The following LYPD3 variants were observed in gnomAD, a reference collection of about 807,000 sequenced individuals.
LYPD3 encodes the protein LY6/PLAUR domain containing 3.
Under a neutral mutation model 21.7 loss-of-function variants are expected in LYPD3, and 22 were observed. That is an observed-to-expected ratio of 1.01 (90% CI 0.72 to 1.45). LYPD3 has a LOEUF of 1.45. Ranked by LOEUF, LYPD3 falls within the 40% of genes most tolerant of loss-of-function variation. The pLI, the probability that LYPD3 is intolerant of heterozygous loss-of-function variation, is 0.00. For missense variants in LYPD3, 471 were observed against 466.9 expected (o/e 1.01, Z -0.08); for synonymous variants, 179 against 203.0 (o/e 0.88, Z 1.00).
intron 2 of LYPD3, chr19:43,464,095 G>T: frequency 1.5e-6 from 1 of 662,432 alleles, no homozygotes; most frequent in East Asian, 2.7e-5. Context: ...CCAAACCCGA[G>T]CTCTCCCCGT....
At chr19:43,463,843 GT>G (rs1426571345) in intron 2 of LYPD3, 74 bp from the exon 3 acceptor site, 2 of 1,434,732 alleles carry the variant, frequency 1.4e-6, no homozygotes, top group Admixed American at 3.4e-5. Context: ...GTTGGGTAGG[GT>G]CTGGGAGGGG....
chr19:43,463,966 G>C, intron 2 of LYPD3, 197 bp from the exon 3 acceptor site: 1 of 652,294 alleles, frequency 1.5e-6, no homozygotes. Context: ...GAGGAGCGGG[G>C]TCACGGAACG....
In LYPD3 at chr19:43,464,130, C is replaced by CTG. The variant is rs1256930378; in HGVS notation, c.211+193_211+194dup. 69 of 795,242 alleles carry CTG rather than the reference C, an allele frequency of 8.7e-5. No homozygotes were observed. In the Admixed American group the frequency reaches 1.0e-3, roughly 12 times the overall value. 49.3% of individuals were successfully genotyped at this position (795,242 alleles called of 1,614,324 possible). A position where few individuals can be genotyped will look rare whatever the true frequency, so the allele number is the denominator to read the frequency against. On this transcript the variant is annotated intron_variant, in intron 2 of 4. Coordinates refer to ENST00000244333, the MANE Select transcript of LYPD3 (RefSeq NM_014400.3). ...TCCGCCCCACCCAGTTCTCAACTCT[C>CTG]TGCTCCTCGCGCTTGTAATTGTTAA... is the stretch of plus-strand genomic sequence containing the variant.
Position 43,463,203 on chromosome 19 carries a change from G to A in LYPD3, c.467C>T (p.Pro156Leu), listed in dbSNP as rs201628194. 1.9e-6 allele frequency: 3 copies of A among 1,610,612 alleles called. No homozygotes were observed. Among genetic ancestry groups the A allele is most frequent in the East Asian group, 2.2e-5 (1 of 44,886 alleles). Residue 156 changes from proline to leucine, a missense_variant, in exon 4 of 5, where the codon CCG becomes CTG. Coordinates refer to ENST00000244333, the MANE Select transcript of LYPD3 (RefSeq NM_014400.3). ...LSREACQGTS[P>L]PVVSCYNASD... Reference sequence around the variant, plus strand: ...GGCGTTGTAGCAGCTCACGACCGGCGGCGATGTACCCTGGCACGCCTCCCG... The same window carrying A: ...GGCGTTGTAGCAGCTCACGACCGGCAGCGATGTACCCTGGCACGCCTCCCG...
intron 4 of LYPD3, 123 bp from the exon 5 acceptor site, chr19:43,461,970 T>A: frequency 1.0e-6 from 1 of 986,886 alleles, no homozygotes; most frequent in Non-Finnish European, 1.5e-6. Flanking sequence ...CTCACGCCTG[T>A]AATCCCAGCA....
rs1265969279 is a variant in LYPD3 at position 43,463,587 on chromosome 19, G to T, written c.382+12C>A. 6.3e-6 allele frequency: 10 copies of T among 1,599,014 alleles called. No individual in the cohort carries two copies. The highest frequency in any genetic ancestry group is 2.7e-5 in the African/African-American group (2 of 75,038). On this transcript the variant is annotated intron_variant, in intron 3 of 4. Transcript: ENST00000244333. ...GCTCCGCCCCCGCAGCTACGGCCCGGCCCCCACGGACCTGCCGGGTCGAGC... is the reference window on the plus strand; with the variant it reads ...GCTCCGCCCCCGCAGCTACGGCCCGTCCCCCACGGACCTGCCGGGTCGAGC...
At chr19:43,461,880 T>C (rs1323115642) in intron 4 of LYPD3, 33 bp from the exon 5 acceptor site, 4 of 1,585,710 alleles carry the variant, frequency 2.5e-6, no homozygotes, top group Non-Finnish European at 3.4e-6. Flanking sequence ...GGTCAGTGGC[T>C]GGAGGGAGAG....
chr19:43,461,157 C>T lies in LYPD3; in HGVS notation c.*194G>A. 1.5e-6 allele frequency: 1 copy of T among 647,300 alleles called. No individual in the cohort carries two copies. The highest frequency in any genetic ancestry group is 2.6e-6 in the Non-Finnish European group (1 of 384,278). The allele number at this position is 647,300 out of a possible 1,614,324, so 40.1% of individuals were successfully genotyped here. The stretch of plus-strand genomic sequence containing the variant: ...CTGTCCTCAAAAAGCTAGAACACCC[C>T]TGGCAGAATATATACAACGGTATTT... On this transcript the variant is annotated 3_prime_UTR_variant, in exon 5 of 5. Transcript: ENST00000244333.
At position 43,464,460 on chromosome 19, in the gene LYPD3, G is replaced by T. The variant is rs374352166; in HGVS notation, c.80-4C>A. On this transcript the variant is annotated splice_region_variant and splice_polypyrimidine_tract_variant and intron_variant, in intron 1 of 4. Coordinates refer to ENST00000244333, the MANE Select transcript of LYPD3 (RefSeq NM_014400.3). ...TAGCACTCCAGGGCCTGCGCTCCTG[G>T]GGGAGCGGAGCCGAATAGACCTGAG... is the stretch of plus-strand genomic sequence containing the variant. 1 of 1,613,834 alleles carries T rather than the reference G, an allele frequency of 6.2e-7. No individual in the cohort carries two copies. The highest frequency in any genetic ancestry group is 8.5e-7 in the Non-Finnish European group (1 of 1,180,020).
rs1228247543 is a variant in LYPD3 at position 43,463,265 on chromosome 19, G to A, written c.405C>T (p.Pro135=). 1 of 1,603,678 alleles carries A rather than the reference G, an allele frequency of 6.2e-7. No individual in the cohort carries two copies. Among genetic ancestry groups the A allele is most frequent in the African/African-American group, 1.3e-5 (1 of 75,072 alleles). Residue 135 remains proline, a synonymous_variant, in exon 4 of 5, where the codon CCC becomes CCT. Coordinates refer to ENST00000244333, the MANE Select transcript of LYPD3 (RefSeq NM_014400.3). ...CACAGCTGTAGCACTCCACGCCGTT[G>A]GGCGGGTATGCACTCTCATTACCTG... is the stretch of plus-strand genomic sequence containing the variant. ...DPAGNESAYP[P]NGVECYSCVG...
At position 43,463,733 on chromosome 19, in the gene LYPD3, C is replaced by G. The variant is rs1970796093; in HGVS notation, c.248G>C (p.Gly83Ala). Reference sequence around the variant, plus strand: ...GTCATTCTTGCCGGGGAGTCCCGAACCGCAACCCCGCACTGCCAGCGAGAA... The same window carrying G: ...GTCATTCTTGCCGGGGAGTCCCGAAGCGCAACCCCGCACTGCCAGCGAGAA... ...GQFSLAVRGC[G>A]SGLPGKNDRG... Residue 83 changes from glycine to alanine, a missense_variant, in exon 3 of 5, where the codon GGT becomes GCT. Physicochemically the swap from Gly to Ala is moderately conservative, Grantham distance 60. Coordinates refer to ENST00000244333, the MANE Select transcript of LYPD3 (RefSeq NM_014400.3). The G allele has an allele frequency of 1.3e-5, 21 of 1,613,404 alleles. No homozygotes were observed. The highest frequency in any genetic ancestry group is 1.8e-5 in the Non-Finnish European group (21 of 1,180,044).
At chr19:43,463,918 A>G (rs1275425985) in intron 2 of LYPD3, 149 bp from the exon 3 acceptor site, 2 of 818,996 alleles carry the variant, frequency 2.4e-6, no homozygotes, top group Non-Finnish European at 4.0e-6. Flanking sequence ...GGACGCCCCC[A>G]AAGAGCCGCT....
intron 4 of LYPD3, 53 bp downstream of exon 4, chr19:43,463,073 T>A (rs773332343): frequency 9.4e-6 from 15 of 1,597,352 alleles, no homozygotes; most frequent in Non-Finnish European, 1.2e-5. Context: ...CCCAGGGTGC[T>A]TCAGAAGGGC....
At chr19:43,464,131 T>G (rs1970800940) in intron 2 of LYPD3, 194 bp downstream of exon 2, 4 of 798,408 alleles carry the variant, frequency 5.0e-6, no homozygotes, top group Non-Finnish European at 5.8e-6. Context: ...CTCAACTCTC[T>G]GCTCCTCGCG....
chr19:43,465,361 G>T (rs1346972217), intron 1 of LYPD3, 132 bp downstream of exon 1: 4 of 1,003,128 alleles, frequency 4.0e-6, no homozygotes, highest in Non-Finnish European at 5.9e-6. Context: ...CTTAGGATGG[G>T]GGAACTTTGC....
chr19:43,464,615 A>G (rs899523152), intron 1 of LYPD3, among the ~76,000 whole-genome samples, 159 bp from the exon 2 acceptor site: 1 of 152,196 alleles, frequency 6.6e-6, no homozygotes, highest in Non-Finnish European at 1.5e-5. Flanking sequence ...ACAAATCTGG[A>G]AGCACGGGAA....
At position 43,465,604 on chromosome 19, in the gene LYPD3, G is replaced by T. The variant is rs769236856; in HGVS notation, c.-33C>A. 4.4e-6 allele frequency: 7 copies of T among 1,599,758 alleles called. No homozygotes were observed. In the South Asian group the frequency reaches 7.7e-5, roughly 18 times the overall value. On this transcript the variant is annotated 5_prime_UTR_variant, in exon 1 of 5. Coordinates refer to ENST00000244333, the MANE Select transcript of LYPD3 (RefSeq NM_014400.3). Reference sequence around the variant, plus strand: ...TCCTGCTCCCTTGGCGTCCCCCCTGGATGTGCCGCCTCCGAGCTCGGGCCC... The same window carrying T: ...TCCTGCTCCCTTGGCGTCCCCCCTGTATGTGCCGCCTCCGAGCTCGGGCCC...
chr19:43,463,567 G>A, intron 3 of LYPD3, 32 bp downstream of exon 3: 1 of 1,594,162 alleles, frequency 6.3e-7, no homozygotes, highest in Non-Finnish European at 8.5e-7. Context: ...ATGTGGCTCC[G>A]CCCCCGCAGC....
At chr19:43,463,845 C>A in intron 2 of LYPD3, 76 bp from the exon 3 acceptor site, 1 of 1,408,168 alleles carries the variant, frequency 7.1e-7, no homozygotes, top group Non-Finnish European at 9.9e-7. Flanking sequence ...TGGGTAGGGT[C>A]TGGGAGGGGC....
Sources: allele counts gnomAD v4.1 joint callset (sites outside exome capture counted in the v4.1 genomes callset), GRCh38; gene constraint gnomAD v4.1.1; transcripts MANE v1.5; gene names NCBI Gene and HGNC (gene_info 2026-07-23, HGNC 2026-07-21).